BBX: variants seen among roughly 807,000 people sequenced by gnomAD.
The protein encoded by BBX is BBX high mobility group box domain containing.
Under a neutral mutation model 100.2 loss-of-function variants are expected in BBX, and 30 were observed. The ratio of observed to expected loss-of-function variants is 0.30; its 90% CI spans 0.22 to 0.41. BBX has a LOEUF of 0.41. Among genes scored for constraint, BBX ranks in the 10% least tolerant of loss-of-function variants. BBX has a pLI of 1.00. For synonymous variants in BBX, 376 were observed against 388.1 expected, an observed-to-expected ratio of 0.97 and a Z score of 0.37; for missense variants, 1,023 against 1,129.8, an observed-to-expected ratio of 0.91 and a Z score of 1.35.
At chr3:107,616,380 A>T (rs1326330718) in intron 2 of BBX, among the ~76,000 whole-genome samples, 2 of 152,106 alleles carry the variant, frequency 1.3e-5, no homozygotes, top group African/African-American at 4.8e-5. Flanking sequence ...ATACAGAGAG[A>T]TCCCACGTGC....
intron 2 of BBX, among the ~76,000 whole-genome samples, chr3:107,634,630 T>C (rs1559899017): frequency 6.6e-6 from 1 of 152,216 alleles, no homozygotes; most frequent in African/African-American, 2.4e-5. Flanking sequence ...CTATAAACCA[T>C]GATTCAGAAT....
At chr3:107,526,106 G>A (rs1322429394) in intron 1 of BBX, among the ~76,000 whole-genome samples, 1 of 152,116 alleles carries the variant, frequency 6.6e-6, no homozygotes, top group Non-Finnish European at 1.5e-5. Flanking sequence ...AATGCCAGTT[G>A]GGTTGCCCCC....
In BBX at chr3:107,702,751, A is replaced by C. The variant is rs145093659; in HGVS notation, c.-9-7701A>C. ...GCCATTAAGTGTTGCAGTGATCAAA[A>C]AAGGTGCTCAGAAAGGAGAGAGACA... is the stretch of plus-strand genomic sequence containing the variant. On this transcript the variant is annotated intron_variant, in intron 3 of 17. Transcript: ENST00000325805. Among the ~76,000 whole-genome samples the C allele has an allele frequency of 5.6e-3, 849 of 152,336 alleles. 3 individuals carry two copies. The highest frequency in any genetic ancestry group is 0.014 in the Middle Eastern group (4 of 294).
intron 3 of BBX, among the ~76,000 whole-genome samples, chr3:107,689,315 GTGCTGTGT>G (rs1348161199): frequency 3.9e-5 from 6 of 152,088 alleles, no homozygotes; most frequent in African/African-American, 1.4e-4. Context: ...CTTCCCTTAC[GTGCTGTGT>G]TGCTTATGAA....
chr3:107,578,586 A>G (rs2052008772), intron 2 of BBX, among the ~76,000 whole-genome samples: 1 of 152,200 alleles, frequency 6.6e-6, no homozygotes, highest in Admixed American at 6.5e-5. Context: ...AATTTTCCAG[A>G]AACATGGGTT....
At chr3:107,624,846 G>A (rs913293181) in intron 2 of BBX, among the ~76,000 whole-genome samples, 20 of 152,172 alleles carry the variant, frequency 1.3e-4, no homozygotes, top group Admixed American at 1.0e-3. Context: ...TCCAGCCTGA[G>A]CAACAGAGCA....
At chr3:107,626,429 C>T (rs1184577763) in intron 2 of BBX, among the ~76,000 whole-genome samples, 2 of 152,144 alleles carry the variant, frequency 1.3e-5, no homozygotes, top group Non-Finnish European at 2.9e-5. Context: ...TTCATTCTCT[C>T]ACAGTTTCTA....
At chr3:107,658,622 A>G (rs765038040) in intron 3 of BBX, among the ~76,000 whole-genome samples, 30 of 152,138 alleles carry the variant, frequency 2.0e-4, no homozygotes, top group Non-Finnish European at 1.5e-4. Flanking sequence ...TCTTCAGAGA[A>G]TGGTGGTAAA....
At chr3:107,523,272 G>C (rs565582780) in intron 1 of BBX, among the ~76,000 whole-genome samples, 165 bp downstream of exon 1, 2 of 152,044 alleles carry the variant, frequency 1.3e-5, no homozygotes, top group African/African-American at 4.8e-5. Flanking sequence ...ACTTGAGGAA[G>C]ACGGAGGGAA....
intron 3 of BBX, among the ~76,000 whole-genome samples, chr3:107,710,159 G>T (rs1356436395): frequency 6.6e-6 from 1 of 152,132 alleles, no homozygotes; most frequent in African/African-American, 2.4e-5. Context: ...AGCTTACTGG[G>T]GTTTTAGGTT....
intron 2 of BBX, among the ~76,000 whole-genome samples, chr3:107,538,369 G>A (rs2048646241): frequency 6.6e-6 from 1 of 152,088 alleles, no homozygotes; most frequent in Non-Finnish European, 1.5e-5. Flanking sequence ...TACTGCATAA[G>A]GAACTGTGAT....
At chr3:107,585,405 G>T (rs970195865) in intron 2 of BBX, among the ~76,000 whole-genome samples, 3 of 152,186 alleles carry the variant, frequency 2.0e-5, no homozygotes, top group Non-Finnish European at 4.4e-5. Flanking sequence ...AAATAAATGA[G>T]ACGTATCTTC....
chr3:107,755,526 A>C (rs2065406137), intron 9 of BBX, 72 bp from the exon 10 acceptor site: 11 of 1,340,290 alleles, frequency 8.2e-6, no homozygotes, highest in Non-Finnish European at 1.2e-5. Context: ...AAATTCCTGA[A>C]TGTATATGAA....
intron 13 of BBX, among the ~76,000 whole-genome samples, chr3:107,786,213 C>CT (rs1559734628): frequency 6.6e-6 from 1 of 152,038 alleles, no homozygotes; most frequent in Non-Finnish European, 1.5e-5. Context: ...GATTGGAGGA[C>CT]TTCTTATTGT....
intron 10 of BBX, among the ~76,000 whole-genome samples, chr3:107,769,178 A>AT (rs2066652889): frequency 1.7e-5 from 1 of 59,862 alleles, no homozygotes; most frequent in African/African-American, 4.7e-5. Context: ...TCATAGATAG[A>AT]TAGATAGATA....
At position 107,665,756 on chromosome 3, in the gene BBX, G is replaced by A. The variant is rs539223934; in HGVS notation, c.-10+19847G>A. Among the ~76,000 whole-genome samples the A allele has an allele frequency of 5.9e-5, 9 of 152,146 alleles. No homozygotes were observed. In the South Asian group the frequency reaches 1.5e-3, roughly 25 times the overall value. On this transcript the variant is annotated intron_variant, in intron 3 of 17. Coordinates refer to ENST00000325805, the MANE Select transcript of BBX (RefSeq NM_001142568.3). ...CCGACAGCCATGCCCAGGGCAACTC[G>A]TCCTTACCTTTGTTATTTGCTATAC...
chr3:107,696,179 G>A (rs2060582753), intron 3 of BBX, among the ~76,000 whole-genome samples: 1 of 151,734 alleles, frequency 6.6e-6, no homozygotes, highest in Non-Finnish European at 1.5e-5. Context: ...TTTAATTGGA[G>A]CATTTAGTCC....
At chr3:107,592,030 T>A (rs953897660) in intron 2 of BBX, among the ~76,000 whole-genome samples, 5 of 152,206 alleles carry the variant, frequency 3.3e-5, no homozygotes, top group Admixed American at 2.0e-4. Context: ...GCATTGTATA[T>A]GTAATTTGTA....
chr3:107,629,749 C>G (rs2056431574), intron 2 of BBX, among the ~76,000 whole-genome samples: 1 of 152,152 alleles, frequency 6.6e-6, no homozygotes, highest in South Asian at 2.1e-4. Flanking sequence ...AGTTGCAAAA[C>G]ATGTTTATCA....
Sources: gnomAD v4.1 joint callset for allele counts (sites outside exome capture counted in the v4.1 genomes callset) on GRCh38, gnomAD v4.1.1 for gene constraint, MANE v1.5 for transcripts, NCBI Gene and HGNC (gene_info 2026-07-23, HGNC 2026-07-21) for gene names.